EXOC2: variants seen among roughly 807,000 people sequenced by gnomAD.
EXOC2 encodes the protein exocyst complex component 2, also known as SEC5-like 1.
In EXOC2, 70 loss-of-function variants were observed where a neutral mutation model predicts 131.8. The observed-to-expected ratio is 0.53, with a 90% confidence interval of 0.44 to 0.65. The LOEUF is 0.65. Ranked by LOEUF, EXOC2 falls within the 30% of genes least tolerant of loss-of-function variation. EXOC2 has a pLI of 0.00. For missense variants in EXOC2, 923 were observed against 1,108.6 expected (o/e 0.83, Z 2.38); for synonymous variants, 411 against 398.4 (o/e 1.03, Z -0.38).
intron 23 of EXOC2, chr6:524,335 A>T (rs1006720649): frequency 6.6e-6 from 1 of 152,232 alleles, no homozygotes; most frequent in Admixed American, 6.5e-5. Flanking sequence ...CACGCTCTGC[A>T]CATGTGTCCC....
intron 4 of EXOC2, among the ~76,000 whole-genome samples, chr6:622,507 TAAGAGCTGATG>T (rs1761343400): frequency 6.6e-6 from 1 of 152,082 alleles, no homozygotes; most frequent in South Asian, 2.1e-4. Context: ...TTGCTAGCGT[TAAGAGCTGATG>T]ATGTGAAGAA....
chr6:577,027 G>C (rs1253369718), intron 11 of EXOC2, 145 bp from the exon 12 acceptor site: 3 of 712,362 alleles, frequency 4.2e-6, no homozygotes, highest in African/African-American at 1.9e-5. Context: ...AAAATAAAAA[G>C]TATTTTCTCT....
chr6:562,993 T>C (rs1757778387), intron 16 of EXOC2, 148 bp from the exon 17 acceptor site: 1 of 516,316 alleles, frequency 1.9e-6, no homozygotes. Flanking sequence ...ATAATTTTGG[T>C]AGACTTGATG....
chr6:634,737 C>T (rs2143328), intron 2 of EXOC2, among the ~76,000 whole-genome samples: 138,155 of 151,924 alleles, frequency 0.91, 63,025 homozygotes, highest in East Asian at 1. Context: ...ATGGTTTCTA[C>T]TGGTATATTT....
At position 679,725 on chromosome 6, in the gene EXOC2, G is replaced by A. The variant is rs368215628; in HGVS notation, c.-44+13294C>T. Among the ~76,000 whole-genome samples, 5 of 152,172 alleles carry A rather than the reference G, an allele frequency of 3.3e-5. No homozygotes were observed. In the East Asian group the frequency reaches 9.6e-4, roughly 29 times the overall value. ...CCAAAACATCCAGTAAAATGTAAAG[G>A]TTCAGTCAAGGAAACTATGCAGCCA... On this transcript the variant is annotated intron_variant, in intron 1 of 27. Transcript: ENST00000230449.
At chr6:518,049 T>C (rs1442873941) in intron 23 of EXOC2, among the ~76,000 whole-genome samples, 2 of 152,234 alleles carry the variant, frequency 1.3e-5, no homozygotes, top group East Asian at 1.9e-4. Flanking sequence ...TGAATCCTGA[T>C]ACGAACAAAC....
chr6:617,946 A>G, intron 5 of EXOC2, 111 bp from the exon 6 acceptor site: 1 of 1,254,142 alleles, frequency 8.0e-7, no homozygotes, highest in Non-Finnish European at 1.1e-6. Flanking sequence ...TAAGTAGCAC[A>G]CAGATTAATA....
chr6:497,693 A>G (rs1763821876), intron 24 of EXOC2, among the ~76,000 whole-genome samples: 1 of 152,258 alleles, frequency 6.6e-6, no homozygotes, highest in South Asian at 2.1e-4. Context: ...TTCTCTTAAA[A>G]ATACAATATT....
rs181919707 is a variant in EXOC2 at position 654,932 on chromosome 6, T to C, written c.-43-17071A>G. On this transcript the variant is annotated intron_variant, in intron 1 of 27. Coordinates refer to ENST00000230449, the MANE Select transcript of EXOC2 (RefSeq NM_018303.6). ...AGCAAAGAAAGTGACTTTTTTGAGA[T>C]AGAATCTACTCCTGGATGGAATCAC... 1.3e-3 allele frequency among the ~76,000 whole-genome samples: 197 copies of C among 150,626 alleles called. 1 individual carries two copies. The highest frequency in any genetic ancestry group is 4.7e-3 in the African/African-American group (191 of 40,834).
chr6:557,387 C>T (rs933926240), intron 17 of EXOC2, among the ~76,000 whole-genome samples: 3 of 151,880 alleles, frequency 2.0e-5, no homozygotes, highest in Non-Finnish European at 2.9e-5. Context: ...TGGGAGGCTG[C>T]GGTGGGCGGA....
At chr6:533,311 A>T (rs1271977851) in intron 22 of EXOC2, among the ~76,000 whole-genome samples, 5 of 152,234 alleles carry the variant, frequency 3.3e-5, no homozygotes, top group Admixed American at 6.5e-5. Flanking sequence ...CTACAATTAA[A>T]AAGGAACCAT....
chr6:562,196 C>T (rs903230754), intron 17 of EXOC2, among the ~76,000 whole-genome samples: 4 of 152,244 alleles, frequency 2.6e-5, no homozygotes, highest in Non-Finnish European at 5.9e-5. Context: ...CTGGTGAAAG[C>T]CACTGGGATG....
rs1468835817 is a variant in EXOC2 at position 693,136 on chromosome 6, G to T, written c.-161C>A. ...CTTCCGCCCGCCGCGAGCGCCGAGC[G>T]TGTAGATCCGCCTGGCAGTCGAGCG... is the stretch of plus-strand genomic sequence containing the variant. On this transcript the variant is annotated 5_prime_UTR_variant, in exon 1 of 28. Coordinates refer to ENST00000230449, the MANE Select transcript of EXOC2 (RefSeq NM_018303.6). 6.6e-6 allele frequency: 1 copy of T among 152,356 alleles called. No homozygotes were observed. The allele number at this position is 152,356 out of a possible 1,614,324, so 9.4% of individuals were successfully genotyped here.
At chr6:650,957 G>A (rs1231298783) in intron 1 of EXOC2, among the ~76,000 whole-genome samples, 3 of 151,492 alleles carry the variant, frequency 2.0e-5, no homozygotes, top group Admixed American at 6.6e-5. Context: ...AAACAAACAC[G>A]ATAAGCAATT....
At chr6:590,077 T>C (rs1340364289) in intron 11 of EXOC2, among the ~76,000 whole-genome samples, 1 of 149,158 alleles carries the variant, frequency 6.7e-6, no homozygotes, top group African/African-American at 2.5e-5. Flanking sequence ...ATCGAGCCAC[T>C]GCACTCCAGC....
intron 23 of EXOC2, chr6:525,111 A>T (rs1009322615): frequency 6.6e-6 from 1 of 152,206 alleles, no homozygotes; most frequent in Non-Finnish European, 1.5e-5. Flanking sequence ...GGTTAGTCTG[A>T]TAAGTTCTTC....
At chr6:625,515 GTTCT>G (rs1374037203) in intron 4 of EXOC2, among the ~76,000 whole-genome samples, 34 of 123,474 alleles carry the variant, frequency 2.8e-4, no homozygotes, top group Non-Finnish European at 5.4e-4. Context: ...GTTTGTTTCC[GTTCT>G]TTTTTTTTTT....
At chr6:571,854 G>A (rs989259390) in intron 13 of EXOC2, among the ~76,000 whole-genome samples, 4 of 152,200 alleles carry the variant, frequency 2.6e-5, no homozygotes, top group African/African-American at 9.7e-5. Context: ...TCCAGGAGCC[G>A]GAGGCCTTTC....
At chr6:500,629 A>T (rs1763994168) in intron 23 of EXOC2, among the ~76,000 whole-genome samples, 1 of 152,166 alleles carries the variant, frequency 6.6e-6, no homozygotes, top group African/African-American at 2.4e-5. Context: ...CAGGAAAAAA[A>T]CCCCATAAAA....
Sources: gnomAD v4.1 joint callset for allele counts (sites outside exome capture counted in the v4.1 genomes callset) on GRCh38, gnomAD v4.1.1 for gene constraint, MANE v1.5 for transcripts, NCBI Gene and HGNC (gene_info 2026-07-23, HGNC 2026-07-21) for gene names.